Variants in ADAMTSL3 observed in about 807,000 individuals in gnomAD.
The protein encoded by ADAMTSL3 is ADAMTS-like protein 3.
Under a neutral mutation model 201.7 loss-of-function variants are expected in ADAMTSL3, and 128 were observed. That is an observed-to-expected ratio of 0.63 (90% CI 0.55 to 0.73). The LOEUF is 0.73. Among genes scored for constraint, ADAMTSL3 ranks in the 30% least tolerant of loss-of-function variants. ADAMTSL3 has a pLI of 0.00. For synonymous variants in ADAMTSL3, 738 were observed against 748.4 expected (o/e 0.99, Z 0.23); for missense variants, 1,990 against 2,119.6 (o/e 0.94, Z 1.20).
intron 4 of ADAMTSL3, among the ~76,000 whole-genome samples, chr15:83,801,410 G>T (rs911134525): frequency 6.6e-6 from 1 of 151,584 alleles, no homozygotes; most frequent in African/African-American, 2.4e-5. Context: ...ACAAGTTGCA[G>T]TTGGAACAGA....
chr15:83,971,567 AAAAAAAAAAAG>A (rs1425194952), intron 20 of ADAMTSL3, among the ~76,000 whole-genome samples: 14 of 146,948 alleles, frequency 9.5e-5, no homozygotes, highest in African/African-American at 3.2e-4. Flanking sequence ...TCAAAAAAAA[AAAAAAAAAAAG>A]AAAGAAAGAA....
At chr15:84,029,974 A>T (rs1392614611) in intron 27 of ADAMTSL3, among the ~76,000 whole-genome samples, 1 of 152,226 alleles carries the variant, frequency 6.6e-6, no homozygotes, top group Admixed American at 6.5e-5. Flanking sequence ...AGGTGCACAG[A>T]AGTCAAGAAT....
Position 83,858,857 on chromosome 15 carries a change from C to G in ADAMTSL3, c.802+17C>G, listed in dbSNP as rs2064796903. The G allele has an allele frequency of 6.3e-7, 1 of 1,581,006 alleles. No individual in the cohort carries two copies. Among genetic ancestry groups the G allele is most frequent in the South Asian group, 1.2e-5 (1 of 85,850 alleles). On this transcript the variant is annotated intron_variant, in intron 8 of 29. Coordinates refer to ENST00000286744, the MANE Select transcript of ADAMTSL3 (RefSeq NM_207517.3). ...CCCACCTCTGTAAGTAGAATTTAAT[C>G]TTAACATTTTTTAATATCCTGAAAG...
chr15:84,017,318 C>T (rs892208434), intron 25 of ADAMTSL3, among the ~76,000 whole-genome samples: 7 of 152,088 alleles, frequency 4.6e-5, no homozygotes, highest in African/African-American at 1.2e-4. Context: ...GAGGTTTCAC[C>T]GTGTTAGCCA....
intron 19 of ADAMTSL3, among the ~76,000 whole-genome samples, chr15:83,956,840 A>G (rs921925986): frequency 2.0e-5 from 3 of 152,052 alleles, no homozygotes; most frequent in Non-Finnish European, 4.4e-5. Context: ...AGCTTCTTCT[A>G]CTCTAAATAG....
rs535818630 is a variant in ADAMTSL3, at chr15:83,958,895, G to A, written c.2491-11589G>A. On this transcript the variant is annotated intron_variant, in intron 19 of 29. Coordinates refer to ENST00000286744, the MANE Select transcript of ADAMTSL3 (RefSeq NM_207517.3). ...GAAGAAACTCAAGAATGACTGGGCAGAGAAAGTGTAATAAGCAAAATAAAA... is the reference window on the plus strand; with the variant it reads ...GAAGAAACTCAAGAATGACTGGGCAAAGAAAGTGTAATAAGCAAAATAAAA... 2.6e-5 allele frequency among the ~76,000 whole-genome samples: 4 copies of A among 152,174 alleles called. No homozygotes were observed. In the East Asian group the frequency reaches 7.7e-4, roughly 29 times the overall value.
At chr15:83,745,840 A>G (rs2013799) in intron 3 of ADAMTSL3, among the ~76,000 whole-genome samples, 33,597 of 152,150 alleles carry the variant, frequency 0.22, 4,662 homozygotes, top group East Asian at 0.42. Context: ...GCAATCTCAT[A>G]AGTGCCTGTT....
At chr15:83,747,126 G>C (rs1044975526) in intron 3 of ADAMTSL3, among the ~76,000 whole-genome samples, 6 of 152,138 alleles carry the variant, frequency 3.9e-5, no homozygotes, top group African/African-American at 1.4e-4. Flanking sequence ...CAGATGATAT[G>C]GTGTTAGGTG....
At chr15:83,782,550 A>G (rs1408330662) in intron 4 of ADAMTSL3, among the ~76,000 whole-genome samples, 1 of 152,218 alleles carries the variant, frequency 6.6e-6, no homozygotes, top group East Asian at 1.9e-4. Context: ...AGCCATAAAA[A>G]AATGAGATCA....
intron 7 of ADAMTSL3, among the ~76,000 whole-genome samples, chr15:83,842,830 C>G (rs2064410942): frequency 6.6e-6 from 1 of 152,086 alleles, no homozygotes; most frequent in Non-Finnish European, 1.5e-5. Flanking sequence ...ATAGCCAGAT[C>G]CCGGTGTAAT....
chr15:84,014,947 TG>T (rs2068065228), intron 24 of ADAMTSL3, among the ~76,000 whole-genome samples: 1 of 79,600 alleles, frequency 1.3e-5, no homozygotes, highest in African/African-American at 6.5e-5. Flanking sequence ...TGTGTGTGTG[TG>T]TGTGATTTTT....
At chr15:83,987,693 A>C (rs2067504825) in intron 21 of ADAMTSL3, among the ~76,000 whole-genome samples, 2 of 152,366 alleles carry the variant, frequency 1.3e-5, no homozygotes, top group East Asian at 3.9e-4. Flanking sequence ...CAGTAATGAA[A>C]GATCATGGAA....
intron 2 of ADAMTSL3, among the ~76,000 whole-genome samples, chr15:83,659,708 T>C (rs74024527): frequency 0.022 from 3,323 of 152,204 alleles, 110 homozygotes; most frequent in African/African-American, 0.069. Flanking sequence ...ATTAAGAATA[T>C]TGAATTGGGG....
At chr15:83,901,449 T>A (rs192250585) in intron 15 of ADAMTSL3, among the ~76,000 whole-genome samples, 3 of 152,204 alleles carry the variant, frequency 2.0e-5, no homozygotes, top group Admixed American at 2.0e-4. Context: ...AAAGCCTACT[T>A]TGATTAACAA....
intron 3 of ADAMTSL3, among the ~76,000 whole-genome samples, chr15:83,712,646 G>A (rs1160447051): frequency 2.0e-5 from 3 of 152,202 alleles, no homozygotes; most frequent in Non-Finnish European, 4.4e-5. Flanking sequence ...AACACTTGGA[G>A]CAATTTCTGT....
chr15:83,867,440 A>C (rs542758073), intron 8 of ADAMTSL3, among the ~76,000 whole-genome samples: 2 of 152,372 alleles, frequency 1.3e-5, no homozygotes, highest in African/African-American at 2.4e-5. Flanking sequence ...ATTTTATTGT[A>C]GCAAAACCTT....
intron 17 of ADAMTSL3, among the ~76,000 whole-genome samples, chr15:83,941,243 C>T: frequency 6.6e-6 from 1 of 151,682 alleles, no homozygotes; most frequent in East Asian, 1.9e-4. Context: ...TTAAATACTA[C>T]TTTTCATTTT....
chr15:83,859,663 C>T (rs1596323334), intron 8 of ADAMTSL3, among the ~76,000 whole-genome samples: 1 of 152,122 alleles, frequency 6.6e-6, no homozygotes, highest in East Asian at 1.9e-4. Flanking sequence ...CAAGATTTTC[C>T]CTTATTTCCA....
chr15:84,025,604 T>C, intron 27 of ADAMTSL3, 168 bp downstream of exon 27: 1 of 666,108 alleles, frequency 1.5e-6, no homozygotes, highest in Non-Finnish European at 2.5e-6. Context: ...TTAGAAATCA[T>C]AGTATCTCTG....
Sources: gnomAD v4.1 joint callset for allele counts (sites outside exome capture counted in the v4.1 genomes callset) on GRCh38, gnomAD v4.1.1 for gene constraint, MANE v1.5 for transcripts, NCBI Gene and HGNC (gene_info 2026-07-23, HGNC 2026-07-21) for gene names.